DIAPH3: variants seen among roughly 807,000 people sequenced by gnomAD.
The protein encoded by DIAPH3 is protein diaphanous homolog 3.
DIAPH3 carries 117 observed loss-of-function variants against 144.3 expected under a neutral mutation model. The observed-to-expected ratio is 0.81, with a 90% CI of 0.70 to 0.95. The LOEUF (loss-of-function observed/expected upper bound fraction) is 0.95. Among genes scored for constraint, DIAPH3 ranks in the 40% least tolerant of loss-of-function variants. The probability of loss-of-function intolerance (pLI) is 0.00; values close to 1 mark genes in which losing one functional copy is unlikely to be tolerated. For missense variants in DIAPH3, 1,421 were observed against 1,412.7 expected (o/e 1.01, Z -0.09); for synonymous variants, 519 against 488.9 (o/e 1.06, Z -0.81).
At chr13:59,982,445 C>A (rs1006508171) in intron 13 of DIAPH3, among the ~76,000 whole-genome samples, 2 of 151,272 alleles carry the variant, frequency 1.3e-5, no homozygotes, top group East Asian at 3.9e-4. Context: ...CTTCTAATTG[C>A]TTATCTCTTA....
intron 20 of DIAPH3, among the ~76,000 whole-genome samples, chr13:59,892,996 T>A (rs986988095): frequency 3.3e-5 from 5 of 152,096 alleles, no homozygotes; most frequent in Non-Finnish European, 2.9e-5. Flanking sequence ...TCAGAAACCA[T>A]TAGAGTATTT....
intron 21 of DIAPH3, among the ~76,000 whole-genome samples, chr13:59,872,185 T>C (rs1386551558): frequency 6.6e-6 from 1 of 152,184 alleles, no homozygotes; most frequent in Non-Finnish European, 1.5e-5. Flanking sequence ...AGATCTTTCT[T>C]ATTTTCTAAT....
At chr13:60,092,794 C>CAATG (rs2057992456) in intron 4 of DIAPH3, among the ~76,000 whole-genome samples, 1 of 152,202 alleles carries the variant, frequency 6.6e-6, no homozygotes, top group Non-Finnish European at 1.5e-5. Flanking sequence ...GCCTCAGAGT[C>CAATG]AATGACTGGT....
intron 27 of DIAPH3, among the ~76,000 whole-genome samples, chr13:59,716,386 A>G (rs1174900231): frequency 1.3e-5 from 2 of 152,194 alleles, no homozygotes; most frequent in African/African-American, 2.4e-5. Context: ...CATGTTAGCC[A>G]GGATGGTCTC....
intron 4 of DIAPH3, among the ~76,000 whole-genome samples, chr13:60,084,339 C>T (rs559168323): frequency 6.6e-5 from 10 of 152,016 alleles, no homozygotes; most frequent in South Asian, 2.1e-4. Context: ...ATTCGACAAA[C>T]GGTTTTTTTC....
chr13:59,875,398 C>T (rs1398073780), intron 21 of DIAPH3, among the ~76,000 whole-genome samples: 1 of 151,986 alleles, frequency 6.6e-6, no homozygotes, highest in Non-Finnish European at 1.5e-5. Context: ...CTAGAAGTAG[C>T]ATTACTGTGA....
In DIAPH3 at chr13:59,826,877, G is replaced by A. The variant is rs1032894590; in HGVS notation, c.3027+6230C>T. Reference sequence around the variant, plus strand: ...GAACACAGCCCTCAGAAATAACGCCGCATATCTACAACTATCTGATCTTTG... The same window carrying A: ...GAACACAGCCCTCAGAAATAACGCCACATATCTACAACTATCTGATCTTTG... On this transcript the variant is annotated intron_variant, in intron 24 of 27. Transcript: ENST00000400324. Among the ~76,000 whole-genome samples, 23 of 151,722 alleles carry A rather than the reference G, an allele frequency of 1.5e-4. No homozygotes were observed. In the East Asian group the frequency reaches 1.9e-3, roughly 13 times the overall value.
chr13:59,894,005 T>A (rs891212332), intron 20 of DIAPH3, among the ~76,000 whole-genome samples: 10 of 152,140 alleles, frequency 6.6e-5, no homozygotes, highest in African/African-American at 2.4e-4. Flanking sequence ...ATTCAGGGAC[T>A]TCTAAAAATA....
At chr13:60,006,971 G>A (rs1469068719) in intron 9 of DIAPH3, among the ~76,000 whole-genome samples, 3 of 152,094 alleles carry the variant, frequency 2.0e-5, no homozygotes, top group Non-Finnish European at 4.4e-5. Flanking sequence ...TCACAACATA[G>A]GGTTCCTCAC....
intron 27 of DIAPH3, among the ~76,000 whole-genome samples, chr13:59,751,798 C>T (rs1401443318): frequency 6.6e-6 from 1 of 152,160 alleles, no homozygotes; most frequent in Non-Finnish European, 1.5e-5. Flanking sequence ...GGTGTGGTAA[C>T]AGTACTACAA....
intron 11 of DIAPH3, 132 bp from the exon 12 acceptor site, chr13:59,991,406 A>C (rs2051800008): frequency 1.6e-5 from 11 of 701,768 alleles, no homozygotes; most frequent in Non-Finnish European, 2.8e-5. Flanking sequence ...TAAAATACAG[A>C]TATTTAGGAT....
At position 60,013,589 on chromosome 13, in the gene DIAPH3, A is replaced by G. The variant is rs144144346; in HGVS notation, c.771+2324T>C. Among the ~76,000 whole-genome samples, 529 of 152,334 alleles carry G rather than the reference A, an allele frequency of 3.5e-3. 19 individuals carry two copies. Among genetic ancestry groups the G allele is most frequent in the Admixed American group, 0.033 (504 of 15,294 alleles). ...ATTAAAATTCTCTTCCATTTAAAAAATACTCTTAGTCCAATTTAATGTTAT... is the reference window on the plus strand; with the variant it reads ...ATTAAAATTCTCTTCCATTTAAAAAGTACTCTTAGTCCAATTTAATGTTAT... On this transcript the variant is annotated intron_variant, in intron 7 of 27. Transcript: ENST00000400324.
intron 18 of DIAPH3, among the ~76,000 whole-genome samples, chr13:59,920,784 A>G (rs886480717): frequency 6.6e-6 from 1 of 151,846 alleles, no homozygotes; most frequent in African/African-American, 2.4e-5. Flanking sequence ...AAATCAGAAT[A>G]AACATCCTTC....
intron 22 of DIAPH3, among the ~76,000 whole-genome samples, chr13:59,855,527 A>C (rs2043207145): frequency 6.6e-6 from 1 of 152,024 alleles, no homozygotes; most frequent in Admixed American, 6.6e-5. Flanking sequence ...TGTAAAGTAT[A>C]CTAATGTATG....
chr13:60,027,844 T>C lies in DIAPH3; in HGVS notation c.627-11699A>G, dbSNP rs995904440. 5.9e-5 allele frequency among the ~76,000 whole-genome samples: 9 copies of C among 152,300 alleles called. No individual in the cohort carries two copies. The South Asian group carries it at 1.7e-3, about 28-fold the overall frequency. On this transcript the variant is annotated intron_variant, in intron 5 of 27. Coordinates refer to ENST00000400324, the MANE Select transcript of DIAPH3 (RefSeq NM_001042517.2). ...AGCACTAAATTATTCATTTTAAATA[T>C]AGACTAATTTGCCAACAATATATGT... is the stretch of plus-strand genomic sequence containing the variant.
chr13:60,047,957 C>T (rs1370597236), intron 4 of DIAPH3, among the ~76,000 whole-genome samples: 1 of 152,178 alleles, frequency 6.6e-6, no homozygotes, highest in African/African-American at 2.4e-5. Flanking sequence ...CAGATGCTGG[C>T]AGAAAACACA....
intron 22 of DIAPH3, among the ~76,000 whole-genome samples, chr13:59,852,256 A>G (rs893560219): frequency 3.3e-5 from 5 of 152,246 alleles, no homozygotes; most frequent in South Asian, 2.1e-4. Flanking sequence ...ATTACCCAAT[A>G]TCTTATTTTC....
chr13:59,995,789 G>A (rs779676131), intron 9 of DIAPH3, among the ~76,000 whole-genome samples: 5 of 151,854 alleles, frequency 3.3e-5, no homozygotes, highest in African/African-American at 7.2e-5. Context: ...TAAAAGCTGC[G>A]AAGGAAATTG....
intron 5 of DIAPH3, among the ~76,000 whole-genome samples, chr13:60,031,053 G>C (rs896262487): frequency 1.3e-5 from 2 of 152,192 alleles, no homozygotes; most frequent in Non-Finnish European, 2.9e-5. Context: ...GAGGCTTGAT[G>C]ATTTATAAAG....
Sources: gnomAD v4.1 joint callset for allele counts (sites outside exome capture counted in the v4.1 genomes callset) on GRCh38, gnomAD v4.1.1 for gene constraint, MANE v1.5 for transcripts, NCBI Gene and HGNC (gene_info 2026-07-23, HGNC 2026-07-21) for gene names.